Variants in PPIH observed in about 807,000 individuals in gnomAD.
The protein encoded by PPIH is peptidylprolyl isomerase H.
Under a neutral mutation model 27.6 loss-of-function variants are expected in PPIH, and 16 were observed. The ratio of observed to expected loss-of-function variants is 0.58; its 90% confidence interval spans 0.39 to 0.88. PPIH has a LOEUF of 0.88. Ranked by LOEUF, PPIH falls within the 40% of genes least tolerant of loss-of-function variation. The pLI is 0.00. For missense variants in PPIH, 155 were observed against 224.1 expected, an observed-to-expected ratio of 0.69 and a Z score of 1.97; for synonymous variants, 63 against 76.1, an observed-to-expected ratio of 0.83 and a Z score of 0.90.
intron 3 of PPIH, 120 bp downstream of exon 3, chr1:42,659,371 G>A (rs755614238): frequency 6.2e-7 from 1 of 1,614,170 alleles, no homozygotes; most frequent in South Asian, 1.1e-5. Context: ...GTGATAGAAG[G>A]TAATGCCCCA....
chr1:42,672,215 G>A (rs536521602), intron 9 of PPIH, among the ~76,000 whole-genome samples: 20 of 152,226 alleles, frequency 1.3e-4, no homozygotes, highest in African/African-American at 3.9e-4. Context: ...ACGTTCATAC[G>A]GATCTCCAGG....
chr1:42,659,055 T>C (rs935435868), intron 2 of PPIH, 147 bp downstream of exon 2: 15 of 1,355,416 alleles, frequency 1.1e-5, no homozygotes, highest in Non-Finnish European at 1.5e-5. Context: ...TGGTTGCCGT[T>C]TGGATTGTTC....
chr1:42,667,260 T>C, intron 8 of PPIH, 91 bp from the exon 9 acceptor site: 4 of 1,175,818 alleles, frequency 3.4e-6, no homozygotes, highest in Non-Finnish European at 5.0e-6. Flanking sequence ...GCTGAGTCCT[T>C]AGCACAGGGC....
At chr1:42,666,681 AGTTT>A in intron 8 of PPIH, 94 bp downstream of exon 8, 1 of 1,287,728 alleles carries the variant, frequency 7.8e-7, no homozygotes, top group South Asian at 1.2e-5. Context: ...AATGAGCTCC[AGTTT>A]GTTAGGCTGT....
intron 4 of PPIH, among the ~76,000 whole-genome samples, 179 bp downstream of exon 4, chr1:42,659,745 C>T (rs1648899218): frequency 6.6e-6 from 1 of 152,228 alleles, no homozygotes; most frequent in Non-Finnish European, 1.5e-5. Context: ...TCCCCCACTT[C>T]TTAGGTCTTT....
chr1:42,672,965 T>C (rs1373499403), intron 9 of PPIH, among the ~76,000 whole-genome samples: 2 of 151,900 alleles, frequency 1.3e-5, no homozygotes, highest in African/African-American at 2.4e-5. Context: ...ACTTTAGTTA[T>C]AGAAACCTTG....
At chr1:42,658,640 G>A (rs1289592039) in intron 1 of PPIH, 128 bp downstream of exon 1, 1 of 1,196,318 alleles carries the variant, frequency 8.4e-7, no homozygotes, top group Non-Finnish European at 1.2e-6. Context: ...CGAACCTACC[G>A]ACCTGCCGGG....
intron 4 of PPIH, among the ~76,000 whole-genome samples, chr1:42,660,586 C>G (rs528044158): frequency 6.6e-6 from 1 of 152,100 alleles, no homozygotes; most frequent in Non-Finnish European, 1.5e-5. Context: ...TGTGCCACCA[C>G]GCTCGGCTAA....
Position 42,666,436 on chromosome 1 carries a change from T to C in PPIH, c.425-111T>C. 3.6e-6 allele frequency: 4 copies of C among 1,108,472 alleles called. No homozygotes were observed. In the South Asian group the frequency reaches 5.3e-5, roughly 15 times the overall value. The allele number at this position is 1,108,472 out of a possible 1,614,324, so 68.7% of individuals were successfully genotyped here. A position where few individuals can be genotyped will look rare whatever the true frequency, so the allele number is the denominator to read the frequency against. ...TCATTTCACCTCTACCGCATCTTAA[T>C]TTCCTAAAGTTAGTATGAGGGTTTA... is the stretch of plus-strand genomic sequence containing the variant. On this transcript the variant is annotated intron_variant, in intron 7 of 9. Coordinates refer to ENST00000304979, the MANE Select transcript of PPIH (RefSeq NM_006347.4).
chr1:42,667,215 T>C, intron 8 of PPIH, 136 bp from the exon 9 acceptor site: 1 of 699,712 alleles, frequency 1.4e-6, no homozygotes, highest in South Asian at 1.8e-5. Flanking sequence ...ATTATATGCT[T>C]TACCTGTCTG....
At chr1:42,666,786 C>G (rs1160199507) in intron 8 of PPIH, among the ~76,000 whole-genome samples, 199 bp downstream of exon 8, 1 of 152,198 alleles carries the variant, frequency 6.6e-6, no homozygotes, top group Non-Finnish European at 1.5e-5. Flanking sequence ...CTGTTGCCTA[C>G]TTGATAAAAT....
At chr1:42,673,954 G>A (rs929126696) in intron 9 of PPIH, among the ~76,000 whole-genome samples, 24 of 152,244 alleles carry the variant, frequency 1.6e-4, no homozygotes, top group African/African-American at 5.5e-4. Flanking sequence ...CTATAGATGC[G>A]AGACATTCCC....
At chr1:42,670,794 T>G (rs145595967) in intron 9 of PPIH, among the ~76,000 whole-genome samples, 1 of 152,270 alleles carries the variant, frequency 6.6e-6, no homozygotes, top group East Asian at 1.9e-4. Flanking sequence ...TTTTATTTTT[T>G]ATTTATTTTT....
intron 2 of PPIH, 92 bp from the exon 3 acceptor site, chr1:42,659,136 G>A (rs748235924): frequency 3.2e-6 from 5 of 1,568,312 alleles, no homozygotes; most frequent in Non-Finnish European, 2.6e-6. Flanking sequence ...TGGTGGACTT[G>A]CTGGCTCCAG....
At chr1:42,663,015 G>T (rs867569426) in intron 5 of PPIH, among the ~76,000 whole-genome samples, 4 of 152,122 alleles carry the variant, frequency 2.6e-5, no homozygotes, top group Non-Finnish European at 5.9e-5. Flanking sequence ...AAGATAAGTT[G>T]CTTTCTATTG....
At chr1:42,659,159 C>A in intron 2 of PPIH, 69 bp from the exon 3 acceptor site, 1 of 1,600,362 alleles carries the variant, frequency 6.2e-7, no homozygotes, top group South Asian at 1.1e-5. Flanking sequence ...TTTATTCTTT[C>A]CCGTATTTAG....
At chr1:42,671,224 T>C (rs1267878793) in intron 9 of PPIH, among the ~76,000 whole-genome samples, 1 of 151,698 alleles carries the variant, frequency 6.6e-6, no homozygotes. Context: ...AGGCCAGGAG[T>C]TTGAGACCAG....
At chr1:42,664,219 A>G (rs556602817) in intron 5 of PPIH, among the ~76,000 whole-genome samples, 3 of 152,340 alleles carry the variant, frequency 2.0e-5, no homozygotes, top group African/African-American at 7.2e-5. Flanking sequence ...TGCTCGCTAC[A>G]CATCTGTGTT....
At chr1:42,675,583 C>A (rs1158161663) in intron 9 of PPIH, among the ~76,000 whole-genome samples, 1 of 152,190 alleles carries the variant, frequency 6.6e-6, no homozygotes, top group Non-Finnish European at 1.5e-5. Flanking sequence ...TTTTCATACA[C>A]TTTGCTTGAG....
Sources: allele counts gnomAD v4.1 joint callset (sites outside exome capture counted in the v4.1 genomes callset), GRCh38; gene constraint gnomAD v4.1.1; transcripts MANE v1.5; gene names NCBI Gene and HGNC (gene_info 2026-07-23, HGNC 2026-07-21).